CFAP44: variants seen among roughly 807,000 people sequenced by gnomAD.
The protein encoded by CFAP44 is cilia- and flagella-associated protein 44.
CFAP44 carries 134 observed loss-of-function variants against 216.2 expected under a neutral mutation model. That is an observed-to-expected ratio of 0.62 (90% CI 0.54 to 0.72). The LOEUF (loss-of-function observed/expected upper bound fraction) is 0.72. CFAP44 is among the 30% of genes least tolerant of loss of function. CFAP44 has a pLI of 0.00. For missense variants in CFAP44, 2,035 were observed against 2,182.1 expected (o/e 0.93, Z 1.34); for synonymous variants, 700 against 727.6 (o/e 0.96, Z 0.61).
At chr3:113,325,536 C>A (rs919429720) in intron 28 of CFAP44, among the ~76,000 whole-genome samples, 13 of 151,812 alleles carry the variant, frequency 8.6e-5, no homozygotes, top group Non-Finnish European at 1.8e-4. Context: ...GCTCCGCCTC[C>A]TGGGTTCACG....
chr3:113,372,904 G>GA (rs1255340686), intron 18 of CFAP44, among the ~76,000 whole-genome samples: 4 of 152,008 alleles, frequency 2.6e-5, no homozygotes, highest in South Asian at 2.1e-4. Flanking sequence ...AGAACTGTGA[G>GA]AAAAAAAATT....
chr3:113,375,233 G>A (rs995479759), intron 17 of CFAP44, among the ~76,000 whole-genome samples: 12 of 152,206 alleles, frequency 7.9e-5, no homozygotes, highest in African/African-American at 2.4e-4. Context: ...GTTACAGGAT[G>A]AGGAGGACGG....
intron 29 of CFAP44, 120 bp from the exon 30 acceptor site, chr3:113,306,451 C>T (rs978660202): frequency 8.4e-7 from 1 of 1,195,422 alleles, no homozygotes; most frequent in Non-Finnish European, 1.2e-6. Flanking sequence ...CTCTAGCCAG[C>T]TTTTAAGACA....
In CFAP44 at chr3:113,401,289, T is replaced by TA. The variant is rs577351861; in HGVS notation, c.1327-3dup. On this transcript the variant is annotated splice_polypyrimidine_tract_variant and splice_region_variant and intron_variant, in intron 10 of 34. Coordinates refer to ENST00000393845, the MANE Select transcript of CFAP44 (RefSeq NM_001164496.2). ...CTTCCATATGGCTCCATTGGCATCC[T>TA]AAAAAAATTAAATAGTATTTTGTTT... 167 of 1,579,126 alleles carry TA rather than the reference T, an allele frequency of 1.1e-4. 1 individual carries two copies. The African/African-American group carries it at 2.0e-3, about 19-fold the overall frequency.
Position 113,290,589 on chromosome 3 carries a change from A to G in CFAP44, c.*968T>C, listed in dbSNP as rs558307357. Reference sequence around the variant, plus strand: ...CAGGATTCCAAATGTCAGTGAGATTATCCTGCAATGGTTATAGCCATGAAC... The same window carrying G: ...CAGGATTCCAAATGTCAGTGAGATTGTCCTGCAATGGTTATAGCCATGAAC... On this transcript the variant is annotated 3_prime_UTR_variant, in exon 35 of 35. Coordinates refer to ENST00000393845, the MANE Select transcript of CFAP44 (RefSeq NM_001164496.2). The G allele has an allele frequency of 6.6e-6, 1 of 152,364 alleles. No individual in the cohort carries two copies. The highest frequency in any genetic ancestry group is 6.5e-5 in the Admixed American group (1 of 15,306). The allele number at this position is 152,364 out of a possible 1,614,324, so 9.4% of individuals were successfully genotyped here. A position where few individuals can be genotyped will look rare whatever the true frequency, so the allele number is the denominator to read the frequency against.
intron 26 of CFAP44, among the ~76,000 whole-genome samples, chr3:113,328,182 A>G (rs971446688): frequency 2.6e-5 from 4 of 151,590 alleles, no homozygotes; most frequent in African/African-American, 9.7e-5. Flanking sequence ...TCCCTTTTAT[A>G]TAGTAAGCAC....
At chr3:113,304,838 G>A (rs183791211) in intron 31 of CFAP44, among the ~76,000 whole-genome samples, 198 bp downstream of exon 31, 1 of 152,310 alleles carries the variant, frequency 6.6e-6, no homozygotes, top group Admixed American at 6.5e-5. Context: ...GGGCCACAGG[G>A]AAATATCCAT....
At chr3:113,380,875 T>C (rs1933488364) in intron 16 of CFAP44, 24 bp downstream of exon 16, 1 of 1,513,620 alleles carries the variant, frequency 6.6e-7, no homozygotes. Flanking sequence ...TATTATAAGA[T>C]AATGCTTCAG....
At chr3:113,295,873 A>G (rs1949874778) in intron 33 of CFAP44, among the ~76,000 whole-genome samples, 1 of 152,182 alleles carries the variant, frequency 6.6e-6, no homozygotes, top group African/African-American at 2.4e-5. Context: ...GAGGATAGCC[A>G]CTCCATTTCT....
intron 28 of CFAP44, among the ~76,000 whole-genome samples, chr3:113,318,221 G>A (rs1950106487): frequency 6.6e-6 from 1 of 152,092 alleles, no homozygotes; most frequent in African/African-American, 2.4e-5. Context: ...AATTTTTAAA[G>A]TTTTTAAACA....
chr3:113,358,931 A>G, intron 21 of CFAP44, 56 bp from the exon 22 acceptor site: 2 of 1,492,966 alleles, frequency 1.3e-6, no homozygotes, highest in Non-Finnish European at 1.8e-6. Context: ...TCTGTTTCAT[A>G]TATTTCAGTT....
rs768425056 is a variant in CFAP44, at chr3:113,404,020, G to A, written c.1006-4C>T. ...CCCATTCTGACCCTGAGAGCACCTG[G>A]CAGGTATGTGGAAAAAAGAAATGTG... is the stretch of plus-strand genomic sequence containing the variant. On this transcript the variant is annotated splice_polypyrimidine_tract_variant and splice_region_variant and intron_variant, in intron 8 of 34. Transcript: ENST00000393845. The A allele has an allele frequency of 1.2e-6, 2 of 1,610,282 alleles. No individual in the cohort carries two copies. Among genetic ancestry groups the A allele is most frequent in the South Asian group, 2.2e-5 (2 of 90,380 alleles).
intron 2 of CFAP44, among the ~76,000 whole-genome samples, chr3:113,428,127 TA>T (rs1475495157): frequency 6.6e-6 from 1 of 152,184 alleles, no homozygotes; most frequent in African/African-American, 2.4e-5. Flanking sequence ...GGTGCCTAAA[TA>T]GGCCAAACAG....
chr3:113,439,316 T>A (rs758896310), intron 1 of CFAP44, among the ~76,000 whole-genome samples: 34 of 152,166 alleles, frequency 2.2e-4, no homozygotes, highest in Non-Finnish European at 4.6e-4. Context: ...CACGCTTGTA[T>A]GCTGGATAAC....
chr3:113,358,932 T>C, intron 21 of CFAP44, 57 bp from the exon 22 acceptor site: 4 of 1,489,634 alleles, frequency 2.7e-6, no homozygotes, highest in African/African-American at 1.4e-5. Context: ...CTGTTTCATA[T>C]ATTTCAGTTT....
chr3:113,339,765 C>A lies in CFAP44; in HGVS notation c.3437+1979G>T, dbSNP rs114437663. Among the ~76,000 whole-genome samples, 1,280 of 152,224 alleles carry A rather than the reference C, an allele frequency of 8.4e-3. 19 individuals are homozygous for A. Among genetic ancestry groups the A allele is most frequent in the African/African-American group, 0.029 (1,219 of 41,522 alleles). ...TTTAGAGTGTCTCAAATGTGCCCTG[C>A]CAAATTTGCAGTTCTCAGCCAGCAG... On this transcript the variant is annotated intron_variant, in intron 24 of 34. Coordinates refer to ENST00000393845, the MANE Select transcript of CFAP44 (RefSeq NM_001164496.2).
Position 113,391,521 on chromosome 3 carries a change from G to A in CFAP44, c.1890+4229C>T, listed in dbSNP as rs185586265. Among the ~76,000 whole-genome samples, 21 of 152,174 alleles carry A rather than the reference G, an allele frequency of 1.4e-4. No individual in the cohort carries two copies. The East Asian group carries it at 3.1e-3, about 22-fold the overall frequency. On this transcript the variant is annotated intron_variant, in intron 15 of 34. Transcript: ENST00000393845. Reference sequence around the variant, plus strand: ...TCACATCAACTTAAAAACCTTCTGCGCAGCAAAGGAAGACATCAATAAAGT... The same window carrying A: ...TCACATCAACTTAAAAACCTTCTGCACAGCAAAGGAAGACATCAATAAAGT...
intron 1 of CFAP44, among the ~76,000 whole-genome samples, chr3:113,439,577 C>T (rs1330571041): frequency 1.3e-5 from 2 of 152,144 alleles, no homozygotes; most frequent in Admixed American, 6.6e-5. Flanking sequence ...TACCATGGCA[C>T]GCATATTCCA....
Position 113,366,136 on chromosome 3 carries a change from A to C in CFAP44, c.2618T>G (p.Leu873Trp). 6.2e-7 allele frequency: 1 copy of C among 1,614,120 alleles called. No homozygotes were observed. Among genetic ancestry groups the C allele is most frequent in the Non-Finnish European group, 8.5e-7 (1 of 1,179,996 alleles). Residue 873 changes from leucine to tryptophan, a missense_variant, in exon 19 of 35, where the codon TTG becomes TGG. By Grantham distance (61) the Leu-to-Trp change is moderately conservative (BLOSUM62 -2). This residue lies in a region of CFAP44 where 1,883 missense variants were observed against 2,023.7 expected (regional missense o/e 0.93). Coordinates refer to ENST00000393845, the MANE Select transcript of CFAP44 (RefSeq NM_001164496.2). ...ATTGCCATCTGCTCCAGCAGTCACCAAGAAACGATCATCAAAGCTATTAGC... is the reference window on the plus strand; with the variant it reads ...ATTGCCATCTGCTCCAGCAGTCACCCAGAAACGATCATCAAAGCTATTAGC... ...SIANSFDDRF[L>W]VTAGADGNIF...
Sources: gnomAD v4.1 joint callset for allele counts (sites outside exome capture counted in the v4.1 genomes callset) on GRCh38, gnomAD v4.1.1 for gene constraint, gnomAD v4.1.1 regional missense constraint, MANE v1.5 for transcripts, NCBI Gene and HGNC (gene_info 2026-07-23, HGNC 2026-07-21) for gene names.